Variants in SPAG17 observed in about 807,000 individuals in gnomAD.
The protein encoded by SPAG17 is sperm associated antigen 17.
In SPAG17, 169 loss-of-function variants were observed where a neutral mutation model predicts 273.6. The ratio of observed to expected loss-of-function variants is 0.62; its 90% CI spans 0.55 to 0.70. SPAG17 has a LOEUF of 0.70. Ranked by LOEUF, SPAG17 falls within the 30% of genes least tolerant of loss-of-function variation. SPAG17 has a pLI of 0.00. For synonymous variants in SPAG17, 825 were observed against 873.2 expected (o/e 0.94, Z 0.97); for missense variants, 2,557 against 2,627.8 (o/e 0.97, Z 0.59).
At chr1:117,996,577 A>G in intron 33 of SPAG17, 21 bp downstream of exon 33, 1 of 1,603,562 alleles carries the variant, frequency 6.2e-7, no homozygotes, top group Non-Finnish European at 8.5e-7. Flanking sequence ...TAAAAGTAAA[A>G]TTATAGTATT....
intron 28 of SPAG17, among the ~76,000 whole-genome samples, chr1:118,020,663 CAGG>C (rs1660413209): frequency 6.6e-6 from 1 of 151,930 alleles, no homozygotes. Context: ...TCTAGCTTTT[CAGG>C]AGATTTAAAC....
At chr1:118,158,016 A>G (rs1383832632) in intron 1 of SPAG17, among the ~76,000 whole-genome samples, 2 of 152,238 alleles carry the variant, frequency 1.3e-5, no homozygotes, top group Non-Finnish European at 2.9e-5. Context: ...GCATCACAAA[A>G]AGGCAAATAT....
chr1:118,066,738 T>G lies in SPAG17; in HGVS notation c.2540+7A>C, dbSNP rs999970755. ...AACTAATTAACTAAACTTTCCAAAT[T>G]TGTTACCTGAATCCAACATTGGAGT... On this transcript the variant is annotated splice_region_variant and intron_variant, in intron 18 of 48. Coordinates refer to ENST00000336338, the MANE Select transcript of SPAG17 (RefSeq NM_206996.4). 1 of 1,604,138 alleles carries G rather than the reference T, an allele frequency of 6.2e-7. No homozygotes were observed. The highest frequency in any genetic ancestry group is 1.1e-5 in the South Asian group (1 of 88,588).
intron 4 of SPAG17, among the ~76,000 whole-genome samples, chr1:118,107,811 A>G (rs1656498059): frequency 6.6e-6 from 1 of 152,250 alleles, no homozygotes; most frequent in Non-Finnish European, 1.5e-5. Flanking sequence ...TGAGTGAAGA[A>G]GATGTGCAAT....
chr1:118,180,946 A>T (rs1032512935), intron 1 of SPAG17, among the ~76,000 whole-genome samples: 1 of 152,092 alleles, frequency 6.6e-6, no homozygotes, highest in African/African-American at 2.4e-5. Context: ...TTAATTATAA[A>T]TCTATGCTAA....
intron 47 of SPAG17, chr1:117,964,148 G>A: frequency 2.3e-6 from 1 of 432,960 alleles, no homozygotes; most frequent in Non-Finnish European, 4.2e-6. Context: ...TCTCCCTAGT[G>A]TACATTTCTC....
intron 4 of SPAG17, among the ~76,000 whole-genome samples, chr1:118,108,298 C>A (rs1409562649): frequency 2.6e-5 from 4 of 152,142 alleles, no homozygotes; most frequent in Non-Finnish European, 5.9e-5. Flanking sequence ...AGTGAAATAT[C>A]CTTTTGTACC....
At chr1:117,990,771 A>G in intron 38 of SPAG17, 90 bp downstream of exon 38, 1 of 801,768 alleles carries the variant, frequency 1.2e-6, no homozygotes, top group Non-Finnish European at 2.0e-6. Flanking sequence ...GTGTCTTGTT[A>G]TCAGATAAGA....
At chr1:118,143,862 C>A (rs1236850985) in intron 3 of SPAG17, among the ~76,000 whole-genome samples, 2 of 152,108 alleles carry the variant, frequency 1.3e-5, no homozygotes, top group African/African-American at 2.4e-5. Flanking sequence ...GTGGCTGGCC[C>A]TCCACTGAGG....
intron 1 of SPAG17, among the ~76,000 whole-genome samples, chr1:118,156,667 T>C (rs564346449): frequency 2.0e-5 from 3 of 152,324 alleles, no homozygotes; most frequent in African/African-American, 7.2e-5. Flanking sequence ...CAAATCTGCA[T>C]TGCCTATAAA....
At chr1:118,117,121 C>G (rs1657134076) in intron 3 of SPAG17, among the ~76,000 whole-genome samples, 1 of 152,246 alleles carries the variant, frequency 6.6e-6, no homozygotes, top group Admixed American at 6.5e-5. Flanking sequence ...TGCTGACAAT[C>G]AGGCTCTGTG....
intron 13 of SPAG17, among the ~76,000 whole-genome samples, 153 bp from the exon 14 acceptor site, chr1:118,081,795 G>T (rs1258116564): frequency 6.6e-6 from 1 of 152,146 alleles, no homozygotes; most frequent in Non-Finnish European, 1.5e-5. Context: ...TGGCTCCCCA[G>T]TCTGCCGCAA....
At chr1:117,957,201 C>T (rs1427495482) in intron 48 of SPAG17, 3 of 1,607,998 alleles carry the variant, frequency 1.9e-6, no homozygotes, top group African/African-American at 2.7e-5. Context: ...CCTTAGGTAA[C>T]ATCCTTTTCC....
At position 118,126,712 on chromosome 1, in the gene SPAG17, A is replaced by G. The variant is rs192480694; in HGVS notation, c.316-11271T>C. The stretch of plus-strand genomic sequence containing the variant: ...GATGTAATCCCATTTATCTATTTTT[A>G]CTTTATTTTTGCCTGTGCTTTTGAA... On this transcript the variant is annotated intron_variant, in intron 3 of 48. Coordinates refer to ENST00000336338, the MANE Select transcript of SPAG17 (RefSeq NM_206996.4). Among the ~76,000 whole-genome samples, 663 of 151,916 alleles carry G rather than the reference A, an allele frequency of 4.4e-3. 1 individual carries two copies. Among genetic ancestry groups the G allele is most frequent in the Middle Eastern group, 0.014 (4 of 294 alleles).
chr1:118,130,770 C>T (rs926819177), intron 3 of SPAG17, among the ~76,000 whole-genome samples: 1 of 152,130 alleles, frequency 6.6e-6, no homozygotes, highest in South Asian at 2.1e-4. Context: ...GATCCAATAA[C>T]CTAATGATAA....
At chr1:118,162,055 T>C (rs1659958119) in intron 1 of SPAG17, among the ~76,000 whole-genome samples, 1 of 152,160 alleles carries the variant, frequency 6.6e-6, no homozygotes, top group Non-Finnish European at 1.5e-5. Flanking sequence ...ATCTCCTTCA[T>C]AATATAAAAC....
At chr1:117,956,890 A>G (rs894561073) in intron 48 of SPAG17, among the ~76,000 whole-genome samples, 3 of 152,208 alleles carry the variant, frequency 2.0e-5, no homozygotes, top group African/African-American at 7.2e-5. Flanking sequence ...ATAGATTAAG[A>G]TATTAAATAC....
intron 20 of SPAG17, 30 bp from the exon 21 acceptor site, chr1:118,042,072 A>T: frequency 6.3e-7 from 1 of 1,588,258 alleles, no homozygotes; most frequent in Non-Finnish European, 8.5e-7. Flanking sequence ...ATTTAACAGG[A>T]TTTTTAAACG....
chr1:118,139,743 A>G (rs1298291739), intron 3 of SPAG17, among the ~76,000 whole-genome samples: 1 of 151,092 alleles, frequency 6.6e-6, no homozygotes, highest in African/African-American at 2.4e-5. Flanking sequence ...GGAATCTAAA[A>G]ATCAAACTCA....
Sources: gnomAD v4.1 joint callset for allele counts (sites outside exome capture counted in the v4.1 genomes callset) on GRCh38, gnomAD v4.1.1 for gene constraint, MANE v1.5 for transcripts, NCBI Gene and HGNC (gene_info 2026-07-23, HGNC 2026-07-21) for gene names.